C10orf90: variants seen among roughly 807,000 people sequenced by gnomAD.
C10orf90 encodes chromosome 10 open reading frame 90.
C10orf90 carries 56 observed loss-of-function variants against 62.5 expected under a neutral mutation model. The ratio of observed to expected loss-of-function variants is 0.90; its 90% CI spans 0.72 to 1.12. C10orf90 has a LOEUF of 1.12. Among genes scored for constraint, C10orf90 ranks in the 50% most tolerant of loss-of-function variants. The pLI, the probability that C10orf90 is intolerant of heterozygous loss-of-function variation, is 0.00. For synonymous variants in C10orf90, 386 were observed against 340.4 expected (o/e 1.13, Z -1.47); for missense variants, 970 against 880.4 (o/e 1.10, Z -1.29).
At chr10:126,465,256 A>T (rs1267517745) in intron 4 of C10orf90, among the ~76,000 whole-genome samples, 1 of 152,190 alleles carries the variant, frequency 6.6e-6, no homozygotes, top group Non-Finnish European at 1.5e-5. Flanking sequence ...AGAGTACTTG[A>T]GTTCAAATCC....
At chr10:126,656,936 G>C (rs1381364430) in intron 1 of C10orf90, among the ~76,000 whole-genome samples, 3 of 152,080 alleles carry the variant, frequency 2.0e-5, no homozygotes, top group African/African-American at 7.2e-5. Context: ...AACTAGTTCG[G>C]GAAACAGGAC....
chr10:126,501,662 T>G (rs1333198545), intron 4 of C10orf90, among the ~76,000 whole-genome samples: 1 of 152,114 alleles, frequency 6.6e-6, no homozygotes, highest in Non-Finnish European at 1.5e-5. Flanking sequence ...GAGCTAGAAA[T>G]AATAGATCAG....
chr10:126,643,423 C>T (rs866509796), intron 2 of C10orf90, among the ~76,000 whole-genome samples: 1 of 152,162 alleles, frequency 6.6e-6, no homozygotes, highest in African/African-American at 2.4e-5. Context: ...GGAGATTCTA[C>T]GGGCCTACTT....
chr10:126,666,474 A>G (rs1161378957), intron 1 of C10orf90, among the ~76,000 whole-genome samples: 1 of 152,206 alleles, frequency 6.6e-6, no homozygotes, highest in African/African-American at 2.4e-5. Flanking sequence ...ATGCAGAAAT[A>G]ACAGATGCTG....
At chr10:126,512,354 G>A (rs1242246636) in intron 3 of C10orf90, among the ~76,000 whole-genome samples, 4 of 142,554 alleles carry the variant, frequency 2.8e-5, no homozygotes, top group African/African-American at 1.1e-4. Context: ...GTGTGTCTGT[G>A]TGTGTGTGTA....
intron 2 of C10orf90, among the ~76,000 whole-genome samples, chr10:126,605,301 C>A (rs990369512): frequency 6.6e-6 from 1 of 152,210 alleles, no homozygotes; most frequent in Non-Finnish European, 1.5e-5. Context: ...CTCCAGCGCT[C>A]TCCTCTCCCG....
chr10:126,555,424 A>T (rs933864898), intron 2 of C10orf90, among the ~76,000 whole-genome samples: 2 of 152,022 alleles, frequency 1.3e-5, no homozygotes, highest in Non-Finnish European at 1.5e-5. Flanking sequence ...TGTAATCCCA[A>T]CACTTTGGAA....
intron 3 of C10orf90, among the ~76,000 whole-genome samples, chr10:126,508,930 T>C (rs1449812417): frequency 1.3e-5 from 2 of 152,076 alleles, no homozygotes; most frequent in East Asian, 1.9e-4. Context: ...ACAACAGGGA[T>C]GGGAAATACC....
chr10:126,461,480 C>T lies in C10orf90; in HGVS notation c.1931G>A (p.Arg644His), dbSNP rs374833275. 9.9e-6 allele frequency: 16 copies of T among 1,613,978 alleles called. No homozygotes were observed. The highest frequency in any genetic ancestry group is 2.2e-5 in the East Asian group (1 of 44,884). Residue 644 changes from arginine (R) to histidine (H), a missense_variant, in exon 6 of 10, where the codon CGC becomes CAC. Arg to His is a conservative substitution (Grantham distance 29). Coordinates refer to ENST00000488181, the MANE Select transcript of C10orf90 (RefSeq NM_001350921.2). ...CAGGCCAGGGCTCCCTGCTCCATCG[C>T]GGGGTGCTGGCGAGGGTGCTGCTGG... ...PSPAAPSPAP[R>H]DGAGSPGLSE...
chr10:126,525,498 C>T (rs1024927651), intron 2 of C10orf90, among the ~76,000 whole-genome samples: 3 of 152,138 alleles, frequency 2.0e-5, no homozygotes, highest in Non-Finnish European at 4.4e-5. Flanking sequence ...GAGCCCAGAG[C>T]CGGAGCCTGC....
At chr10:126,547,201 G>C (rs935213397) in intron 2 of C10orf90, among the ~76,000 whole-genome samples, 5 of 151,866 alleles carry the variant, frequency 3.3e-5, no homozygotes, top group African/African-American at 7.3e-5. Context: ...GGGCGGATCA[G>C]GAGGTCAGGA....
chr10:126,436,726 A>G (rs970269350), intron 7 of C10orf90, among the ~76,000 whole-genome samples: 2 of 152,122 alleles, frequency 1.3e-5, no homozygotes, highest in African/African-American at 2.4e-5. Flanking sequence ...CAGTGGCACA[A>G]TCATGGCTTA....
chr10:126,507,412 T>G (rs1862813511), intron 3 of C10orf90, among the ~76,000 whole-genome samples: 1 of 142,330 alleles, frequency 7.0e-6, no homozygotes, highest in Admixed American at 7.1e-5. Flanking sequence ...TACCCAGAGA[T>G]GAGTGAAAAA....
intron 2 of C10orf90, among the ~76,000 whole-genome samples, chr10:126,516,925 A>C (rs68015937): frequency 0.12 from 17,869 of 151,960 alleles, 1,202 homozygotes; most frequent in South Asian, 0.27. Flanking sequence ...ACATCTCCTT[A>C]TCTGACTCTG....
At chr10:126,568,148 A>G (rs557001808) in intron 2 of C10orf90, among the ~76,000 whole-genome samples, 1 of 152,282 alleles carries the variant, frequency 6.6e-6, no homozygotes, top group Admixed American at 6.5e-5. Context: ...ACAAAAAACC[A>G]CAAATGGAGC....
rs2133884460 is a variant in C10orf90 at position 126,503,962 on chromosome 10, C to T, written c.1529G>A (p.Arg510Lys). The T allele has an allele frequency of 1.2e-6, 2 of 1,609,434 alleles. No homozygotes were observed. Among genetic ancestry groups the T allele is most frequent in the South Asian group, 1.1e-5 (1 of 90,364 alleles). The change falls in exon 4 of 10, where the codon AGG becomes AAG. Residue 510 changes from arginine (R) to lysine (K), a missense_variant. Physicochemically the swap from Arg to Lys is conservative, Grantham distance 26. Transcript: ENST00000488181. ...LSIHIPGWSY[R>K]AVHTKVFSGS... is the part of the protein sequence containing the mutation. ...CAGATGGACGCACCACTCACCTGCC[C>T]TGTAACTCCAGCCAGGAATGTGAAT...
At chr10:126,646,486 TA>T in intron 2 of C10orf90, 78 bp downstream of exon 2, 1 of 308,636 alleles carries the variant, frequency 3.2e-6, no homozygotes. Flanking sequence ...CCATTATTAA[TA>T]AAAATAAAAG....
intron 5 of C10orf90, among the ~76,000 whole-genome samples, chr10:126,461,850 G>C (rs1226170035): frequency 2.0e-5 from 3 of 152,112 alleles, no homozygotes; most frequent in Admixed American, 6.5e-5. Context: ...GGTTAGGATG[G>C]CTTTGCTCAA....
In C10orf90 at chr10:126,456,165, A is replaced by G; in HGVS notation, c.2188+2875T>C. Among the ~76,000 whole-genome samples the G allele has an allele frequency of 6.6e-6, 1 of 152,380 alleles. No homozygotes were observed. Among genetic ancestry groups the G allele is most frequent in the Non-Finnish European group, 1.5e-5 (1 of 68,038 alleles). On this transcript the variant is annotated intron_variant, in intron 7 of 9. Transcript: ENST00000488181. This position sits in a 1 kb window ranked among gnomAD's most constrained non-coding sequence, Gnocchi z 4.9. ...TTTGCTTTTATCATCTTGCCAGCAG[A>G]CAGGCTGAAGACAAGATGTGTACTG...
Sources: gnomAD v4.1 joint callset for allele counts (sites outside exome capture counted in the v4.1 genomes callset) on GRCh38, gnomAD v4.1.1 for gene constraint, Gnocchi (gnomAD v3.1) non-coding constraint, MANE v1.5 for transcripts, NCBI Gene and HGNC (gene_info 2026-07-23, HGNC 2026-07-21) for gene names.